TJAP1: variants seen among roughly 807,000 people sequenced by gnomAD.
TJAP1 encodes tight junction-associated protein 1.
In TJAP1, 27 loss-of-function variants were observed where a neutral mutation model predicts 42.0. That is an observed-to-expected ratio of 0.64 (90% CI 0.47 to 0.89). The LOEUF is 0.89. TJAP1 is among the 40% of genes least tolerant of loss of function. The probability of loss-of-function intolerance (pLI) is 0.00; values close to 1 mark genes in which losing one functional copy is unlikely to be tolerated. For synonymous variants in TJAP1, 257 were observed against 288.4 expected (o/e 0.89, Z 1.10); for missense variants, 712 against 726.9 (o/e 0.98, Z 0.24).
In TJAP1 at chr6:43,491,353, C is replaced by T. The variant is rs938218730; in HGVS notation, c.-121-6528C>T. ...TTGCCCAGGCTGGAGTGCAATGGCA[C>T]GATCTCGGCTTTCTGCAACCTCCGC... On this transcript the variant is annotated intron_variant, in intron 2 of 10. Transcript: ENST00000372449. The surrounding 1 kb of genome is among the most constrained non-coding windows in gnomAD (Gnocchi z 4.6). Among the ~76,000 whole-genome samples the T allele has an allele frequency of 4.6e-5, 7 of 152,204 alleles. No individual in the cohort carries two copies. The highest frequency in any genetic ancestry group is 2.6e-4 in the Admixed American group (4 of 15,292).
chr6:43,502,068 A>ACTCTCTCT (rs1366522224), intron 6 of TJAP1, among the ~76,000 whole-genome samples: 3 of 127,538 alleles, frequency 2.4e-5, no homozygotes, highest in African/African-American at 1.1e-4. Flanking sequence ...ACACACACAC[A>ACTCTCTCT]CACACACACT....
chr6:43,477,977 G>A (rs1321306050), intron 1 of TJAP1, 110 bp from the exon 2 acceptor site: 2 of 152,354 alleles, frequency 1.3e-5, no homozygotes, highest in East Asian at 3.8e-4. Context: ...CCGGCCAGAG[G>A]GGAAAGGGAT....
intron 8 of TJAP1, chr6:43,503,198 A>G (rs1435813329): frequency 1.7e-6 from 1 of 584,848 alleles, no homozygotes; most frequent in Non-Finnish European, 3.0e-6. Context: ...AAGTCATGCT[A>G]AGAAAGCCCC....
intron 2 of TJAP1, among the ~76,000 whole-genome samples, chr6:43,490,234 C>A (rs2127534230): frequency 6.6e-6 from 1 of 152,372 alleles, no homozygotes; most frequent in South Asian, 2.1e-4. Context: ...CGGCCACCTG[C>A]CCATCACCAG....
In TJAP1 at chr6:43,501,515, C is replaced by T. The variant is rs1582083501; in HGVS notation, c.129-11C>T. On this transcript the variant is annotated splice_polypyrimidine_tract_variant and intron_variant, in intron 5 of 10. Transcript: ENST00000372449. ...TACCCCTCTGCCCTTGATCCCACAA[C>T]ACCCTGCCAGGCTCTTACAGGAGGA... The T allele has an allele frequency of 1.9e-6, 3 of 1,611,140 alleles. No homozygotes were observed. Among genetic ancestry groups the T allele is most frequent in the Admixed American group, 1.7e-5 (1 of 59,694 alleles).
intron 2 of TJAP1, among the ~76,000 whole-genome samples, chr6:43,485,923 T>A (rs1010286612): frequency 6.6e-6 from 1 of 152,164 alleles, no homozygotes; most frequent in Non-Finnish European, 1.5e-5. Context: ...TTAAATCATC[T>A]TCCAGGTGCT....
rs778861246 is a variant in TJAP1 at position 43,504,533 on chromosome 6, G to A, written c.580-228G>A. 1.6e-3 allele frequency: 974 copies of A among 595,228 alleles called. 21 individuals carry two copies. The highest frequency in any genetic ancestry group is 3.6e-4 in the Non-Finnish European group (123 of 339,934). The allele number at this position is 595,228 out of a possible 1,614,324, so 36.9% of individuals were successfully genotyped here. ...ACATGCTGGCTGCAGCAGCAGATCC[G>A]GGTTTAAATCTTGGCCAAGTTAACC... On this transcript the variant is annotated intron_variant, in intron 10 of 10. Coordinates refer to ENST00000372449, the Ensembl canonical transcript of TJAP1.
intron 2 of TJAP1, among the ~76,000 whole-genome samples, chr6:43,487,928 G>T (rs1207350599): frequency 3.4e-5 from 5 of 149,212 alleles, no homozygotes; most frequent in African/African-American, 5.0e-5. Flanking sequence ...GGAGTGCAAT[G>T]GTGCCATCTC....
rs747738489 is a variant in TJAP1, at chr6:43,505,156, G to A, written c.975G>A (p.Leu325=). ...CAACCCCGTCTCCACCACACCCACTGTATCCTGGCCGCAGGGTAATAGAGT... is the reference window on the plus strand; with the variant it reads ...CAACCCCGTCTCCACCACACCCACTATATCCTGGCCGCAGGGTAATAGAGT... The change falls in exon 11 of 11, where the codon CTG becomes CTA. Residue 325 remains leucine (L), a synonymous_variant. Coordinates refer to ENST00000372449, the Ensembl canonical transcript of TJAP1. The surrounding 1 kb of genome is among the most constrained non-coding windows in gnomAD (Gnocchi z 5.5). The A allele has an allele frequency of 6.2e-7, 1 of 1,614,206 alleles. No individual in the cohort carries two copies. The highest frequency in any genetic ancestry group is 2.2e-5 in the East Asian group (1 of 44,888).
At position 43,505,208 on chromosome 6, in the gene TJAP1, C is replaced by T. The variant is rs767849265; in HGVS notation, c.1027C>T (p.Arg343Cys). The T allele has an allele frequency of 1.5e-5, 24 of 1,614,064 alleles. No individual in the cohort carries two copies. The South Asian group carries it at 1.8e-4, about 12-fold the overall frequency. Reference sequence around the variant, plus strand: ...CTCTGAGGATAAGGTTCGGATCCCCCGCAACAGCCCCCTGCCCAACTGCAC... The same window carrying T: ...CTCTGAGGATAAGGTTCGGATCCCCTGCAACAGCCCCCTGCCCAACTGCAC... Residue 343 changes from arginine to cysteine, a missense_variant, in exon 11 of 11, where the codon CGC (arginine) becomes TGC (cysteine). By Grantham distance (180) the Arg-to-Cys change is radical. Coordinates refer to ENST00000372449, the Ensembl canonical transcript of TJAP1. The surrounding 1 kb of genome is among the most constrained non-coding windows in gnomAD (Gnocchi z 5.5).
At chr6:43,480,074 T>C (rs1784990492) in intron 2 of TJAP1, among the ~76,000 whole-genome samples, 1 of 152,236 alleles carries the variant, frequency 6.6e-6, no homozygotes, top group Non-Finnish European at 1.5e-5. Context: ...TCAGTTTTCT[T>C]ATCAATCAAA....
chr6:43,501,754 ACACACTCT>A (rs1221585432), intron 6 of TJAP1, 67 bp downstream of exon 6: 80 of 551,312 alleles, frequency 1.5e-4, no homozygotes, highest in East Asian at 4.8e-4. Flanking sequence ...ACACACACAC[ACACACTCT>A]CTCTGTCTCT....
intron 5 of TJAP1, chr6:43,500,973 C>T: frequency 1.6e-6 from 1 of 620,034 alleles, no homozygotes; most frequent in South Asian, 2.0e-5. Context: ...CCATGGGCTT[C>T]AAGAGAGCGT....
At chr6:43,481,489 C>CG (rs1394579881) in intron 2 of TJAP1, among the ~76,000 whole-genome samples, 6 of 146,268 alleles carry the variant, frequency 4.1e-5, no homozygotes, top group Non-Finnish European at 6.1e-5. Flanking sequence ...ATCACCCCCC[C>CG]CCCAAAAAAA....
chr6:43,502,565 TTGC>T lies in TJAP1; in HGVS notation c.358-16_358-14del. The stretch of plus-strand genomic sequence containing the variant: ...TCGTCTCCCCCTCATGCTGCCACCG[TTGC>T]TGCTGCACTCTCCTCTCAGGCCTCT... On this transcript the variant is annotated intron_variant, in intron 7 of 10. Transcript: ENST00000372449. 2 of 1,551,730 alleles carry T rather than the reference TTGC, an allele frequency of 1.3e-6. No homozygotes were observed. The highest frequency in any genetic ancestry group is 1.7e-6 in the Non-Finnish European group (2 of 1,146,996).
At chr6:43,496,346 C>T (rs761704765) in intron 2 of TJAP1, among the ~76,000 whole-genome samples, 4 of 152,192 alleles carry the variant, frequency 2.6e-5, no homozygotes, top group Non-Finnish European at 4.4e-5. Flanking sequence ...CCGGGCTCCT[C>T]TGGAGGGGCA....
intron 2 of TJAP1, among the ~76,000 whole-genome samples, chr6:43,484,315 C>T (rs1295173488): frequency 4.6e-5 from 7 of 151,712 alleles, no homozygotes; most frequent in South Asian, 4.2e-4. Context: ...AAAAATTAGC[C>T]GGGCATGGTG....
rs1788961663 is a variant in TJAP1 at position 43,495,766 on chromosome 6, G to T, written c.-121-2115G>T. Among the ~76,000 whole-genome samples, 1 of 152,176 alleles carries T rather than the reference G, an allele frequency of 6.6e-6. No individual in the cohort carries two copies. The highest frequency in any genetic ancestry group is 6.5e-5 in the Admixed American group (1 of 15,276). Reference sequence around the variant, plus strand: ...GCAAGCCAGATCGCCTCTGGCCATGGAAGCCCTGGGGATAAATACATGCTG... The same window carrying T: ...GCAAGCCAGATCGCCTCTGGCCATGTAAGCCCTGGGGATAAATACATGCTG... On this transcript the variant is annotated intron_variant, in intron 2 of 10. Coordinates refer to ENST00000372449, the Ensembl canonical transcript of TJAP1. The surrounding 1 kb of genome is among the most constrained non-coding windows in gnomAD (Gnocchi z 4.6).
chr6:43,479,215 C>T (rs185854633), intron 2 of TJAP1, among the ~76,000 whole-genome samples: 4 of 152,304 alleles, frequency 2.6e-5, no homozygotes, highest in East Asian at 1.9e-4. Flanking sequence ...GGATCAGCAT[C>T]GCTTCATGGT....
Sources: gnomAD v4.1 joint callset for allele counts (sites outside exome capture counted in the v4.1 genomes callset) on GRCh38, gnomAD v4.1.1 for gene constraint, Gnocchi (gnomAD v3.1) non-coding constraint, MANE v1.5 for transcripts, NCBI Gene and HGNC (gene_info 2026-07-23, HGNC 2026-07-21) for gene names.